The following XIRP2 variants were observed in gnomAD, a reference collection of about 807,000 sequenced individuals.
XIRP2 encodes xin actin-binding repeat-containing protein 2.
A neutral mutation model predicts 277.0 loss-of-function variants in XIRP2; 236 were observed. That is an observed-to-expected ratio of 0.85 (90% CI 0.77 to 0.95). The LOEUF is 0.95. XIRP2 is among the 40% of genes least tolerant of loss of function. The pLI is 0.00. For synonymous variants in XIRP2, 1,490 were observed against 1,416.5 expected (o/e 1.05, Z -1.17); for missense variants, 4,640 against 4,157.5 (o/e 1.12, Z -3.19).
intron 2 of XIRP2, among the ~76,000 whole-genome samples, chr2:167,009,664 AG>A (rs946240593): frequency 6.6e-6 from 1 of 152,004 alleles, no homozygotes; most frequent in African/African-American, 2.4e-5. Context: ...TGGTTGAACT[AG>A]TTTACAGTCC....
At position 167,176,126 on chromosome 2, in the gene XIRP2, C is replaced by T. The variant is rs542515345; in HGVS notation, c.563-34609C>T. Reference sequence around the variant, plus strand: ...TCAGCCCCCTTTCCAGGGGAGTGAACGGTTCTGTCTCGTTGGCATTCCAGG... The same window carrying T: ...TCAGCCCCCTTTCCAGGGGAGTGAATGGTTCTGTCTCGTTGGCATTCCAGG... On this transcript the variant is annotated intron_variant, in intron 3 of 10. Coordinates refer to ENST00000409195, the MANE Select transcript of XIRP2 (RefSeq NM_152381.6). 4.1e-4 allele frequency among the ~76,000 whole-genome samples: 62 copies of T among 152,236 alleles called. 1 individual carries two copies. The highest frequency in any genetic ancestry group is 1.3e-3 in the African/African-American group (53 of 41,548).
intron 3 of XIRP2, among the ~76,000 whole-genome samples, chr2:167,136,590 TATC>T (rs1377933065): frequency 5.3e-5 from 8 of 152,188 alleles, no homozygotes; most frequent in African/African-American, 1.4e-4. Flanking sequence ...GCTTCACAAA[TATC>T]ATTAAAAAGT....
chr2:167,044,770 A>C (rs1428188856), intron 2 of XIRP2, among the ~76,000 whole-genome samples: 1 of 152,094 alleles, frequency 6.6e-6, no homozygotes, highest in African/African-American at 2.4e-5. Context: ...ACAAATGGAA[A>C]AATATTCCAT....
intron 2 of XIRP2, among the ~76,000 whole-genome samples, chr2:166,919,212 A>C (rs780244176): frequency 6.6e-6 from 1 of 152,184 alleles, no homozygotes; most frequent in Non-Finnish European, 1.5e-5. Context: ...AATGGTTAAC[A>C]CATTTTCCTA....
intron 2 of XIRP2, among the ~76,000 whole-genome samples, chr2:166,938,334 G>A (rs1280746542): frequency 6.6e-6 from 1 of 152,146 alleles, no homozygotes; most frequent in Admixed American, 6.5e-5. Flanking sequence ...CTTTATTTCT[G>A]CCTTCATTTC....
intron 2 of XIRP2, among the ~76,000 whole-genome samples, chr2:167,111,870 T>A (rs1690766415): frequency 6.6e-6 from 1 of 152,180 alleles, no homozygotes; most frequent in African/African-American, 2.4e-5. Flanking sequence ...TCTCACTTTC[T>A]TCCTGGTTCA....
At chr2:166,987,672 A>G (rs1687042260) in intron 2 of XIRP2, among the ~76,000 whole-genome samples, 1 of 152,200 alleles carries the variant, frequency 6.6e-6, no homozygotes, top group South Asian at 2.1e-4. Context: ...TTTTTCAATT[A>G]AAGGAATCAG....
Position 167,159,619 on chromosome 2 carries a change from A to C in XIRP2, c.562+23557A>C, listed in dbSNP as rs546699656. On this transcript the variant is annotated intron_variant, in intron 3 of 10. Coordinates refer to ENST00000409195, the MANE Select transcript of XIRP2 (RefSeq NM_152381.6). ...TGGGTCCCTTTTCTGACCATGAGAC[A>C]TTGGGCAAAATATGTTGGGAAAAAT... 1.1e-4 allele frequency among the ~76,000 whole-genome samples: 16 copies of C among 152,310 alleles called. No individual in the cohort carries two copies. The East Asian group carries it at 2.5e-3, about 24-fold the overall frequency.
chr2:167,087,426 C>A (rs1674691459), intron 2 of XIRP2, among the ~76,000 whole-genome samples: 1 of 151,750 alleles, frequency 6.6e-6, no homozygotes, highest in Non-Finnish European at 1.5e-5. Context: ...ACAGGTGGAG[C>A]CTACAGAGGC....
chr2:167,012,080 A>G (rs1574161154), intron 2 of XIRP2, among the ~76,000 whole-genome samples: 1 of 151,764 alleles, frequency 6.6e-6, no homozygotes, highest in African/African-American at 2.4e-5. Context: ...CTCTGATTTT[A>G]GTTATTTCTT....
intron 3 of XIRP2, among the ~76,000 whole-genome samples, chr2:167,178,062 C>G (rs1026402105): frequency 2.6e-5 from 4 of 151,024 alleles, no homozygotes; most frequent in African/African-American, 9.7e-5. Flanking sequence ...AAATGTGGAG[C>G]ACTGGGTATA....
intron 3 of XIRP2, among the ~76,000 whole-genome samples, chr2:167,167,576 T>G (rs1045326549): frequency 2.0e-5 from 3 of 152,166 alleles, no homozygotes; most frequent in African/African-American, 7.2e-5. Flanking sequence ...CTAACAGCTC[T>G]GTACCACTTC....
rs115461505 is a variant in XIRP2, at chr2:167,129,278, G to A, written c.409-6631G>A. Among the ~76,000 whole-genome samples the A allele has an allele frequency of 6.0e-3, 910 of 152,024 alleles. 10 individuals are homozygous for A. Among genetic ancestry groups the A allele is most frequent in the African/African-American group, 0.021 (862 of 41,472 alleles). On this transcript the variant is annotated intron_variant, in intron 2 of 10. Coordinates refer to ENST00000409195, the MANE Select transcript of XIRP2 (RefSeq NM_152381.6). ...ACCCACTGAGTCTGGGAGTGTACAC[G>A]AGCTAGCTCAGCATTTTAAATGTAG...
At chr2:167,067,947 G>T (rs541721622) in intron 2 of XIRP2, among the ~76,000 whole-genome samples, 58 of 152,180 alleles carry the variant, frequency 3.8e-4, no homozygotes, top group Admixed American at 8.5e-4. Context: ...CAAAGACTTG[G>T]AAAGTCTTTC....
intron 3 of XIRP2, among the ~76,000 whole-genome samples, chr2:167,169,616 G>T (rs887749151): frequency 6.6e-6 from 1 of 152,180 alleles, no homozygotes; most frequent in East Asian, 1.9e-4. Context: ...TGAGTGAGGG[G>T]TAACCTCCAA....
intron 2 of XIRP2, among the ~76,000 whole-genome samples, chr2:167,028,240 T>C (rs1688229648): frequency 6.6e-6 from 1 of 152,090 alleles, no homozygotes. Context: ...AATAATCATA[T>C]GACTATTAAC....
At position 167,238,099 on chromosome 2, in the gene XIRP2, G is replaced by C. The variant is rs184888390; in HGVS notation, c.859-1756G>C. 1.1e-4 allele frequency among the ~76,000 whole-genome samples: 16 copies of C among 152,282 alleles called. No individual in the cohort carries two copies. The East Asian group carries it at 2.9e-3, about 28-fold the overall frequency. On this transcript the variant is annotated intron_variant, in intron 5 of 10. Transcript: ENST00000409195. ...TTCATTGTTCTATCCTCAGTTTTGA[G>C]AACATTCCTCGCAAGTAGGTGTTTG...
At chr2:166,952,371 T>G (rs997130196) in intron 2 of XIRP2, among the ~76,000 whole-genome samples, 17 of 152,030 alleles carry the variant, frequency 1.1e-4, no homozygotes, top group African/African-American at 4.1e-4. Context: ...ACATTTTAAT[T>G]TAGGTAATAT....
chr2:166,945,663 CTTTTTTTTTTTTTTTT>C (rs71395267), intron 2 of XIRP2, among the ~76,000 whole-genome samples: 1 of 69,266 alleles, frequency 1.4e-5, no homozygotes, highest in African/African-American at 6.0e-5. Flanking sequence ...TAAGATAAAT[CTTTTTTTTTTTTTTTT>C]TTTTTTTTTG....
Sources: gnomAD v4.1 joint callset for allele counts (sites outside exome capture counted in the v4.1 genomes callset) on GRCh38, gnomAD v4.1.1 for gene constraint, MANE v1.5 for transcripts, NCBI Gene and HGNC (gene_info 2026-07-23, HGNC 2026-07-21) for gene names.